The following LRRIQ1 variants were observed in gnomAD, a reference collection of about 807,000 sequenced individuals.
LRRIQ1 encodes the protein leucine-rich repeat- and IQ domain-containing protein 1.
Under a neutral mutation model 211.9 loss-of-function variants are expected in LRRIQ1, and 210 were observed. That is an observed-to-expected ratio of 0.99 (90% confidence interval 0.89 to 1.11). The LOEUF is 1.11. LRRIQ1 is among the 50% of genes most tolerant of loss of function. The probability of loss-of-function intolerance (pLI) is 0.00; values close to 1 mark genes in which losing one functional copy is unlikely to be tolerated. For missense variants in LRRIQ1, 2,136 were observed against 1,939.5 expected, an observed-to-expected ratio of 1.10 and a Z score of -1.90; for synonymous variants, 699 against 650.1, an observed-to-expected ratio of 1.08 and a Z score of -1.14.
At chr12:85,102,718 T>G (rs7299044) in intron 13 of LRRIQ1, among the ~76,000 whole-genome samples, 42,320 of 150,650 alleles carry the variant, frequency 0.28, 6,097 homozygotes, top group Admixed American at 0.33. Flanking sequence ...GTTGTTGTTG[T>G]TGTTGGTGGT....
rs541320533 is a variant in LRRIQ1 at position 85,169,428 on chromosome 12, A to G, written c.4822+8714A>G. ...TAGCTCTTGATATAATTAAGTATCT[A>G]AAATCTTTTCATGGCCTCCTGTTGT... On this transcript the variant is annotated intron_variant, in intron 24 of 26. Coordinates refer to ENST00000393217, the MANE Select transcript of LRRIQ1 (RefSeq NM_001079910.2). Among the ~76,000 whole-genome samples the G allele has an allele frequency of 2.6e-5, 4 of 152,286 alleles. No homozygotes were observed. The East Asian group carries it at 5.8e-4, about 22-fold the overall frequency.
intron 15 of LRRIQ1, among the ~76,000 whole-genome samples, chr12:85,111,367 A>G (rs534088906): frequency 6.6e-6 from 1 of 152,248 alleles, no homozygotes; most frequent in South Asian, 2.1e-4. Context: ...TCATATCACC[A>G]AACCTACTGC....
At chr12:85,255,810 A>G (rs930356121) in intron 1 of LRRIQ1, among the ~76,000 whole-genome samples, 7 of 151,688 alleles carry the variant, frequency 4.6e-5, no homozygotes, top group Non-Finnish European at 8.9e-5. Flanking sequence ...AACCCGGACA[A>G]TTAATTACAG....
intron 8 of LRRIQ1, among the ~76,000 whole-genome samples, chr12:85,057,658 T>C (rs1306061964): frequency 6.6e-6 from 1 of 152,042 alleles, no homozygotes; most frequent in Non-Finnish European, 1.5e-5. Flanking sequence ...AGAATTCCCA[T>C]CTAGCAACAA....
intron 6 of LRRIQ1, among the ~76,000 whole-genome samples, chr12:85,049,518 A>G (rs1880046671): frequency 6.6e-6 from 1 of 151,934 alleles, no homozygotes; most frequent in Non-Finnish European, 1.5e-5. Context: ...ATGCTGAAAC[A>G]CTCCTATCAT....
Position 85,062,405 on chromosome 12 carries a change from GT to G in LRRIQ1, c.2392-2854del, listed in dbSNP as rs1384307654. ...CTGTTGTTCCTATTTTTATGTCCTTGTTTACCCAATTTTTAGTTCCCACTTA... is the reference window on the plus strand; with the variant it reads ...CTGTTGTTCCTATTTTTATGTCCTTGTTACCCAATTTTTAGTTCCCACTTA... On this transcript the variant is annotated intron_variant, in intron 8 of 26. Coordinates refer to ENST00000393217, the MANE Select transcript of LRRIQ1 (RefSeq NM_001079910.2). 9.2e-5 allele frequency among the ~76,000 whole-genome samples: 14 copies of G among 151,686 alleles called. No individual in the cohort carries two copies. The East Asian group carries it at 2.7e-3, about 30-fold the overall frequency.
chr12:85,238,316 G>C (rs956159252), intron 26 of LRRIQ1, among the ~76,000 whole-genome samples: 23 of 151,968 alleles, frequency 1.5e-4, no homozygotes, highest in African/African-American at 5.6e-4. Flanking sequence ...TTCCGGAAGA[G>C]AGATTAGAGA....
chr12:85,085,084 A>G (rs1021344478), intron 11 of LRRIQ1, among the ~76,000 whole-genome samples: 2 of 152,176 alleles, frequency 1.3e-5, no homozygotes, highest in Non-Finnish European at 2.9e-5. Context: ...ATTTACTAAG[A>G]TGAGACATAG....
chr12:85,051,289 C>T (rs1269799072), intron 6 of LRRIQ1, among the ~76,000 whole-genome samples: 1 of 151,976 alleles, frequency 6.6e-6, no homozygotes, highest in Non-Finnish European at 1.5e-5. Flanking sequence ...ATGCTGGCAC[C>T]GTTCTTCCTG....
intron 18 of LRRIQ1, among the ~76,000 whole-genome samples, chr12:85,134,191 C>T (rs1246477387): frequency 6.6e-6 from 1 of 152,136 alleles, no homozygotes; most frequent in Non-Finnish European, 1.5e-5. Context: ...TAAGGAATAA[C>T]ATTCCGGCTA....
At chr12:85,208,321 A>G (rs545408967) in intron 24 of LRRIQ1, among the ~76,000 whole-genome samples, 1 of 152,282 alleles carries the variant, frequency 6.6e-6, no homozygotes, top group South Asian at 2.1e-4. Flanking sequence ...GTAAGGAGGA[A>G]TGTGCCTCCA....
intron 11 of LRRIQ1, among the ~76,000 whole-genome samples, chr12:85,096,969 G>A (rs955412653): frequency 1.4e-4 from 22 of 152,126 alleles, no homozygotes; most frequent in African/African-American, 4.8e-4. Flanking sequence ...TCTGACATAT[G>A]TATAGCAACT....
intron 19 of LRRIQ1, among the ~76,000 whole-genome samples, chr12:85,147,804 C>T (rs972087715): frequency 6.6e-6 from 1 of 151,132 alleles, no homozygotes. Context: ...GGGACCTTCT[C>T]ACCTTGTTGG....
chr12:85,267,481 G>A (rs1252089611), downstream of LRRIQ1, among the ~76,000 whole-genome samples: 1 of 151,950 alleles, frequency 6.6e-6, no homozygotes, highest in Non-Finnish European at 1.5e-5. Context: ...GTTAATACAT[G>A]TTACAAATAA....
Position 85,057,086 on chromosome 12 carries a change from GT to G in LRRIQ1, c.2295del (p.Arg766GlufsTer6), listed in dbSNP as rs759906433. ...CAAGCAAAATCAACAAAAGAAAATT[GT>G]TAGAAGAAAGAGACCTGTGAAATGC... ...IFKQNQQKKI[V>X]RRKRPVKCPA... On this transcript the variant is annotated frameshift_variant, in exon 8 of 27. Transcript: ENST00000393217. LOFTEE classifies it high-confidence loss of function. 15 of 1,608,082 alleles carry G rather than the reference GT, an allele frequency of 9.3e-6. No individual in the cohort carries two copies. Among genetic ancestry groups the G allele is most frequent in the Non-Finnish European group, 1.2e-5 (14 of 1,178,124 alleles).
chr12:85,260,486 A>G (rs1056278898), intron 1 of LRRIQ1, among the ~76,000 whole-genome samples: 5 of 152,162 alleles, frequency 3.3e-5, no homozygotes, highest in African/African-American at 1.2e-4. Flanking sequence ...AGCTTACTGT[A>G]GTGGAACAAA....
chr12:85,038,893 A>G (rs1050146040), intron 2 of LRRIQ1, among the ~76,000 whole-genome samples: 1 of 151,078 alleles, frequency 6.6e-6, no homozygotes, highest in Non-Finnish European at 1.5e-5. Context: ...GTTCTTTTCC[A>G]TTACTTTATT....
At chr12:85,252,983 TAC>T (rs1377298089) in intron 1 of LRRIQ1, among the ~76,000 whole-genome samples, 1 of 151,956 alleles carries the variant, frequency 6.6e-6, no homozygotes, top group Non-Finnish European at 1.5e-5. Context: ...AAGTAAATGA[TAC>T]AGTTTTTTTA....
chr12:85,067,299 C>T (rs1237032488), intron 10 of LRRIQ1, among the ~76,000 whole-genome samples: 1 of 151,848 alleles, frequency 6.6e-6, no homozygotes, highest in Non-Finnish European at 1.5e-5. Flanking sequence ...ACATACATCA[C>T]TTGGACTTAT....
Sources: gnomAD v4.1 joint callset for allele counts (sites outside exome capture counted in the v4.1 genomes callset) on GRCh38, gnomAD v4.1.1 for gene constraint, MANE v1.5 for transcripts, NCBI Gene and HGNC (gene_info 2026-07-23, HGNC 2026-07-21) for gene names.